The following TMTC1 variants were observed in gnomAD, a reference collection of about 807,000 sequenced individuals.
TMTC1 encodes the protein transmembrane O-mannosyltransferase targeting cadherins 1.
TMTC1 carries 73 observed loss-of-function variants against 104.8 expected under a neutral mutation model. The ratio of observed to expected loss-of-function variants is 0.70; its 90% CI spans 0.58 to 0.85. The LOEUF (loss-of-function observed/expected upper bound fraction) is 0.85, where lower values mean the gene tolerates loss of function less well. TMTC1 is among the 40% of genes least tolerant of loss of function. TMTC1 has a pLI of 0.00. For missense variants in TMTC1, 1,035 were observed against 1,096.1 expected (o/e 0.94, Z 0.79); for synonymous variants, 434 against 428.7 (o/e 1.01, Z -0.15).
intron 6 of TMTC1, among the ~76,000 whole-genome samples, chr12:29,625,502 G>A (rs1010799958): frequency 2.6e-5 from 4 of 152,188 alleles, no homozygotes; most frequent in East Asian, 1.9e-4. Flanking sequence ...AATTGCCAGA[G>A]GCTCTAGTTA....
chr12:29,538,686 G>A (rs1361920188), intron 10 of TMTC1, among the ~76,000 whole-genome samples: 1 of 152,130 alleles, frequency 6.6e-6, no homozygotes, highest in East Asian at 1.9e-4. Context: ...GCTTGAGTTT[G>A]TCCATGAACA....
chr12:29,775,921 G>A (rs1214779539), intron 1 of TMTC1, among the ~76,000 whole-genome samples: 3 of 151,992 alleles, frequency 2.0e-5, no homozygotes, highest in Non-Finnish European at 2.9e-5. Flanking sequence ...AGTCCATCAT[G>A]AATAATAAAG....
chr12:29,687,616 G>C (rs1309663520), intron 5 of TMTC1, among the ~76,000 whole-genome samples: 1 of 152,120 alleles, frequency 6.6e-6, no homozygotes, highest in Non-Finnish European at 1.5e-5. Context: ...AATTGTCCTG[G>C]AGTTGTCAAA....
At chr12:29,637,937 A>T (rs537612006) in intron 5 of TMTC1, among the ~76,000 whole-genome samples, 6 of 152,288 alleles carry the variant, frequency 3.9e-5, no homozygotes, top group Admixed American at 3.9e-4. Flanking sequence ...AATACAGGAC[A>T]TTGGGTCCAC....
intron 7 of TMTC1, among the ~76,000 whole-genome samples, chr12:29,584,615 C>CGGTG (rs1038832822): frequency 1.3e-5 from 2 of 151,958 alleles, no homozygotes; most frequent in African/African-American, 4.8e-5. Context: ...ACAACAGTCC[C>CGGTG]GGTGTGTGAT....
chr12:29,674,848 T>C (rs1465763497), intron 5 of TMTC1, among the ~76,000 whole-genome samples: 6 of 152,334 alleles, frequency 3.9e-5, no homozygotes, highest in Non-Finnish European at 7.4e-5. Flanking sequence ...CTATTTTGCA[T>C]AAAGATCCCC....
At chr12:29,721,531 G>A (rs750552099) in intron 5 of TMTC1, among the ~76,000 whole-genome samples, 44 of 151,976 alleles carry the variant, frequency 2.9e-4, no homozygotes, top group Non-Finnish European at 4.3e-4. Flanking sequence ...CAATAGCACC[G>A]CCTGAAAATA....
chr12:29,520,910 C>A (rs1156989099), intron 11 of TMTC1, 190 bp from the exon 12 acceptor site: 3 of 564,578 alleles, frequency 5.3e-6, no homozygotes, highest in African/African-American at 1.9e-5. Context: ...TACAAAATAC[C>A]CAAAATTCAT....
At position 29,501,048 on chromosome 12, in the gene TMTC1, C is replaced by A. The variant is rs987521883; in HGVS notation, c.*5798G>T. Reference sequence around the variant, plus strand: ...AGCATTATGAAAAAAGAACATGATGCAAATCATTTCCCCCTGACAAAAGGA... The same window carrying A: ...AGCATTATGAAAAAAGAACATGATGAAAATCATTTCCCCCTGACAAAAGGA... On this transcript the variant is annotated 3_prime_UTR_variant, in exon 18 of 18. Coordinates refer to ENST00000539277, the MANE Select transcript of TMTC1 (RefSeq NM_001193451.2). 5.9e-5 allele frequency: 9 copies of A among 152,566 alleles called. No homozygotes were observed. The highest frequency in any genetic ancestry group is 2.2e-4 in the African/African-American group (9 of 41,444). 9.5% of individuals were successfully genotyped at this position (152,566 alleles called of 1,614,324 possible).
chr12:29,529,458 A>T (rs1944438296), intron 11 of TMTC1, among the ~76,000 whole-genome samples: 1 of 152,254 alleles, frequency 6.6e-6, no homozygotes, highest in Non-Finnish European at 1.5e-5. Context: ...AGAGTCTTAA[A>T]GTATATTCCT....
chr12:29,537,085 C>G (rs1450547964), intron 10 of TMTC1, among the ~76,000 whole-genome samples: 1 of 151,996 alleles, frequency 6.6e-6, no homozygotes, highest in Non-Finnish European at 1.5e-5. Context: ...TCTTTGGGGC[C>G]AAAAATGTAC....
chr12:29,515,132 C>T (rs1217477805), intron 15 of TMTC1, among the ~76,000 whole-genome samples: 1 of 152,100 alleles, frequency 6.6e-6, no homozygotes, highest in Admixed American at 6.5e-5. Context: ...ATAAAATATC[C>T]TTGATTACTT....
intron 12 of TMTC1, among the ~76,000 whole-genome samples, chr12:29,520,074 G>T (rs1032170873): frequency 3.9e-5 from 6 of 152,134 alleles, no homozygotes; most frequent in Admixed American, 1.3e-4. Context: ...AAAGAAAAGA[G>T]AATTCATGCC....
chr12:29,775,671 T>C lies in TMTC1; in HGVS notation c.303-7596A>G, dbSNP rs1196696541. ...CAAACTTCAGTGTCCAGAGTTTTTA[T>C]TGGGGGTCCCAGTATGTAGGCACAA... is the stretch of plus-strand genomic sequence containing the variant. On this transcript the variant is annotated intron_variant, in intron 1 of 17. Transcript: ENST00000539277. Among the ~76,000 whole-genome samples the C allele has an allele frequency of 4.6e-5, 7 of 152,274 alleles. No homozygotes were observed. The South Asian group carries it at 6.2e-4, about 14-fold the overall frequency.
chr12:29,700,742 A>G (rs533011326), intron 5 of TMTC1, among the ~76,000 whole-genome samples: 3 of 152,190 alleles, frequency 2.0e-5, no homozygotes, highest in Admixed American at 2.0e-4. Context: ...GAGCCCACTG[A>G]GATGCTTCAA....
chr12:29,775,018 GTACTAGAGTAATAGTACAGT>G (rs1943675793), intron 1 of TMTC1, among the ~76,000 whole-genome samples: 1 of 152,084 alleles, frequency 6.6e-6, no homozygotes, highest in African/African-American at 2.4e-5. Context: ...TGTTACATTA[GTACTAGAGTAATAGTACAGT>G]TATTAGAGTA....
At chr12:29,639,388 A>G (rs970209542) in intron 5 of TMTC1, among the ~76,000 whole-genome samples, 4 of 152,214 alleles carry the variant, frequency 2.6e-5, no homozygotes, top group African/African-American at 9.6e-5. Context: ...GTAAATAAAC[A>G]TGACATTTTT....
intron 17 of TMTC1, among the ~76,000 whole-genome samples, chr12:29,509,810 T>A (rs1943784754): frequency 6.6e-6 from 1 of 152,248 alleles, no homozygotes; most frequent in Non-Finnish European, 1.5e-5. Flanking sequence ...AATAATGTAG[T>A]CAATAGATCC....
At chr12:29,709,979 T>C (rs1463822170) in intron 5 of TMTC1, among the ~76,000 whole-genome samples, 1 of 152,076 alleles carries the variant, frequency 6.6e-6, no homozygotes, top group Non-Finnish European at 1.5e-5. Context: ...AGAAAATCCA[T>C]AGCACATGGG....
Sources: gnomAD v4.1 joint callset for allele counts (sites outside exome capture counted in the v4.1 genomes callset) on GRCh38, gnomAD v4.1.1 for gene constraint, MANE v1.5 for transcripts, NCBI Gene and HGNC (gene_info 2026-07-23, HGNC 2026-07-21) for gene names.